MMP28: variants seen among roughly 807,000 people sequenced by gnomAD.
MMP28 encodes the protein matrix metallopeptidase 28.
MMP28 carries 55 observed loss-of-function variants against 60.5 expected under a neutral mutation model. The ratio of observed to expected loss-of-function variants is 0.91; its 90% confidence interval spans 0.73 to 1.14. The LOEUF (loss-of-function observed/expected upper bound fraction) is 1.14. Ranked by LOEUF, MMP28 falls within the 50% of genes most tolerant of loss-of-function variation. The probability of loss-of-function intolerance (pLI) is 0.00; values close to 1 mark genes in which losing one functional copy is unlikely to be tolerated. For missense variants in MMP28, 686 were observed against 738.3 expected, an observed-to-expected ratio of 0.93 and a Z score of 0.82; for synonymous variants, 318 against 312.5, an observed-to-expected ratio of 1.02 and a Z score of -0.18.
chr17:35,766,754 G>A lies in MMP28; in HGVS notation c.1309C>T (p.Arg437Cys), dbSNP rs1381598439. 1.4e-5 allele frequency: 22 copies of A among 1,583,326 alleles called. No individual in the cohort carries two copies. Among genetic ancestry groups the A allele is most frequent in the East Asian group, 4.6e-5 (2 of 43,300 alleles). The change falls in exon 8 of 8, where the codon CGC becomes TGC. Residue 437 changes from arginine to cysteine, a missense_variant. Coordinates refer to ENST00000605424, the MANE Select transcript of MMP28 (RefSeq NM_024302.5). The surrounding 1 kb of genome is among the most constrained non-coding windows in gnomAD (Gnocchi z 4.3). ...CCCCCTCGGGCCAGCACGTAGTAGC[G>A]GGCACCCTTGAAGAGGATGAGGCGG... ...LRRLILFKGA[R>C]YYVLARGGLQ...
chr17:35,793,667 A>G (rs546512818), intron 1 of MMP28, among the ~76,000 whole-genome samples: 1 of 152,248 alleles, frequency 6.6e-6, no homozygotes, highest in East Asian at 1.9e-4. Flanking sequence ...AGTTTCCCCA[A>G]ATTCAGCTTG....
In MMP28 at chr17:35,773,213, TGTG is replaced by T; in HGVS notation, c.568_570del (p.His190del). The T allele has an allele frequency of 6.2e-7, 1 of 1,613,982 alleles. No individual in the cohort carries two copies. ...TCAAAGGCATTGCCCAGCCCATCGT[TGTG>T]GTCCCCTTGGAAGAAGGTGAGCCGG... On this transcript the variant is annotated inframe_deletion, in exon 4 of 8. Transcript: ENST00000605424.
Position 35,766,734 on chromosome 17 carries a change from T to G in MMP28, c.1329A>C (p.Arg443=). Residue 443 remains arginine, a synonymous_variant, in exon 8 of 8, where the codon CGA becomes CGC. Coordinates refer to ENST00000605424, the MANE Select transcript of MMP28 (RefSeq NM_024302.5). This position sits in a 1 kb window ranked among gnomAD's most constrained non-coding sequence, Gnocchi z 4.3. ...AGTAGGGCTCCACTTGCAGTCCCCCTCGGGCCAGCACGTAGTAGCGGGCAC... is the reference window on the plus strand; with the variant it reads ...AGTAGGGCTCCACTTGCAGTCCCCCGCGGGCCAGCACGTAGTAGCGGGCAC... The part of the protein sequence containing the change: ...FKGARYYVLA[R]GGLQVEPYYP... 1 of 1,593,496 alleles carries G rather than the reference T, an allele frequency of 6.3e-7. No individual in the cohort carries two copies. Among genetic ancestry groups the G allele is most frequent in the Non-Finnish European group, 8.5e-7 (1 of 1,170,896 alleles).
rs747166219 is a variant in MMP28, at chr17:35,770,154, G to A, written c.763C>T (p.Arg255Cys). 8.7e-6 allele frequency: 14 copies of A among 1,606,994 alleles called. No individual in the cohort carries two copies. The highest frequency in any genetic ancestry group is 8.4e-5 in the Admixed American group (5 of 59,548). Residue 255 changes from arginine (R) to cysteine (C), a missense_variant, in exon 5 of 8, where the codon CGC becomes TGC. Arg to Cys is a radical substitution (Grantham distance 180). Transcript: ENST00000605424. The part of the protein sequence containing the change: ...TLGLTHSPAP[R>C]ALMAPYYKRL... ...TTGTAGTAGGGCGCCATGAGCGCGC[G>A]CGGCGCGGGCGAGTGGGTGAGGCCA...
chr17:35,762,177 A>G (rs1555601668), downstream of MMP28, among the ~76,000 whole-genome samples: 2 of 151,848 alleles, frequency 1.3e-5, no homozygotes, highest in Non-Finnish European at 2.9e-5. Context: ...TTTAGTAGAG[A>G]CGGGGTTTCT....
In MMP28 at chr17:35,770,714, A is replaced by ATGTGTGTG. The variant is rs56074641; in HGVS notation, c.605-410_605-403dup. On this transcript the variant is annotated intron_variant, in intron 4 of 7. Coordinates refer to ENST00000605424, the MANE Select transcript of MMP28 (RefSeq NM_024302.5). ...CTCACAGAGTTGTTCTGAATAATAA[A>ATGTGTGTG]TGTGTGTGTGTGTGTGTGTGTGTGT... Among the ~76,000 whole-genome samples, 970 of 147,642 alleles carry ATGTGTGTG rather than the reference A, an allele frequency of 6.6e-3. 10 individuals are homozygous for ATGTGTGTG. The highest frequency in any genetic ancestry group is 0.02 in the African/African-American group (822 of 40,130).
chr17:35,784,196 C>T (rs1209819032), intron 1 of MMP28, among the ~76,000 whole-genome samples: 2 of 151,372 alleles, frequency 1.3e-5, no homozygotes, highest in Non-Finnish European at 2.9e-5. Flanking sequence ...GCAGGAGAAT[C>T]GCTGGAACCC....
downstream of MMP28, chr17:35,764,527 G>C: frequency 6.3e-7 from 1 of 1,599,998 alleles, no homozygotes; most frequent in Non-Finnish European, 8.5e-7. Flanking sequence ...TGCAAGAAAT[G>C]CAGGAGTCTG....
At chr17:35,761,066 G>T, downstream of MMP28, 9 of 1,088,170 alleles carry the variant, frequency 8.3e-6, no homozygotes, top group South Asian at 1.8e-5. Context: ...ACCCATCCAT[G>T]TAGCTGCAAG....
At chr17:35,760,914 G>T, downstream of MMP28, 1 of 1,613,590 alleles carries the variant, frequency 6.2e-7, no homozygotes. Context: ...TCTCTGATCA[G>T]GGAAAGCAGG....
At chr17:35,770,045 G>T (rs770238337) in intron 5 of MMP28, 22 bp downstream of exon 5, 3 of 1,526,068 alleles carry the variant, frequency 2.0e-6, no homozygotes, top group Admixed American at 2.1e-5. Context: ...GACCAAGAGC[G>T]GGGCATGTCC....
chr17:35,783,428 CT>C (rs2143504506), intron 1 of MMP28, among the ~76,000 whole-genome samples: 1 of 152,320 alleles, frequency 6.6e-6, no homozygotes, highest in South Asian at 2.1e-4. Flanking sequence ...TCAGACTTGC[CT>C]GACCTCAGCT....
intron 1 of MMP28, among the ~76,000 whole-genome samples, chr17:35,794,169 G>C (rs867888852): frequency 5.9e-5 from 9 of 151,894 alleles, no homozygotes; most frequent in African/African-American, 2.2e-4. Flanking sequence ...CCGTATTCTT[G>C]AGAAGAAGTA....
chr17:35,787,594 G>A (rs1210216614), intron 1 of MMP28, among the ~76,000 whole-genome samples: 2 of 152,080 alleles, frequency 1.3e-5, no homozygotes, highest in African/African-American at 4.8e-5. Context: ...GGGCACAAGC[G>A]ATTCTCCTGC....
At chr17:35,786,206 G>A (rs4795088) in intron 1 of MMP28, among the ~76,000 whole-genome samples, 14,463 of 151,968 alleles carry the variant, frequency 0.095, 878 homozygotes, top group East Asian at 0.23. Flanking sequence ...ACAGGCGTGC[G>A]CCACTACGCC....
chr17:35,789,830 C>T (rs1315614470), intron 1 of MMP28, among the ~76,000 whole-genome samples: 2 of 150,674 alleles, frequency 1.3e-5, no homozygotes, highest in Admixed American at 6.6e-5. Context: ...GGCGCGATCT[C>T]GGCTCACTGC....
Position 35,758,809 on chromosome 17 carries a change from A to C in MMP28, c.266-2390T>G, listed in dbSNP as rs587644732. Reference sequence around the variant, plus strand: ...AGGAAGGTCCCACAAAACCCAAAACAGCCTTGGGAAGAGGGGATGCACATC... The same window carrying C: ...AGGAAGGTCCCACAAAACCCAAAACCGCCTTGGGAAGAGGGGATGCACATC... On this transcript the variant is annotated intron_variant, in intron 2 of 2. Coordinates refer to the MMP28 transcript ENST00000615317. 1.1e-4 allele frequency among the ~76,000 whole-genome samples: 16 copies of C among 152,354 alleles called. No homozygotes were observed. The East Asian group carries it at 2.9e-3, about 28-fold the overall frequency.
At position 35,769,978 on chromosome 17, in the gene MMP28, G is replaced by A; in HGVS notation, c.850+89C>T. 9.1e-6 allele frequency: 13 copies of A among 1,427,290 alleles called. No individual in the cohort carries two copies. The South Asian group carries it at 1.9e-4, about 21-fold the overall frequency. The allele number at this position is 1,427,290 out of a possible 1,614,324, so 88.4% of individuals were successfully genotyped here. ...GGCCAGATCTATGAGCTTAGGATGG[G>A]AAATCCTATTTGCAGAGCCGGCGTT... On this transcript the variant is annotated intron_variant, in intron 5 of 7. Transcript: ENST00000605424.
At chr17:35,792,788 G>A (rs1279010871) in intron 1 of MMP28, among the ~76,000 whole-genome samples, 1 of 152,164 alleles carries the variant, frequency 6.6e-6, no homozygotes, top group East Asian at 1.9e-4. Flanking sequence ...ACAACACTGA[G>A]AGCAACTTCC....
Sources: allele counts gnomAD v4.1 joint callset (sites outside exome capture counted in the v4.1 genomes callset), GRCh38; gene constraint gnomAD v4.1.1; non-coding constraint Gnocchi (gnomAD v3.1); transcripts MANE v1.5; gene names NCBI Gene and HGNC (gene_info 2026-07-23, HGNC 2026-07-21).